The following FMNL3 variants were observed in gnomAD, a reference collection of about 807,000 sequenced individuals.
The protein encoded by FMNL3 is formin like 3, also known as formin-like protein 3.
In FMNL3, 57 loss-of-function variants were observed where a neutral mutation model predicts 119.6. The ratio of observed to expected loss-of-function variants is 0.48; its 90% confidence interval spans 0.39 to 0.59. The LOEUF is 0.59. Among genes scored for constraint, FMNL3 ranks in the 20% least tolerant of loss-of-function variants. The probability of loss-of-function intolerance (pLI) is 0.00; values close to 1 mark genes in which losing one functional copy is unlikely to be tolerated. For missense variants in FMNL3, 1,053 were observed against 1,323.5 expected, an observed-to-expected ratio of 0.80 and a Z score of 3.17; for synonymous variants, 491 against 507.3, an observed-to-expected ratio of 0.97 and a Z score of 0.43.
intron 1 of FMNL3, 141 bp from the exon 2 acceptor site, chr12:49,668,695 G>A (rs756174033): frequency 7.6e-6 from 5 of 660,538 alleles, no homozygotes; most frequent in African/African-American, 1.8e-5. Flanking sequence ...GGCTTGGAAA[G>A]GTAGAACAGT....
chr12:49,653,186 CA>C (rs1345676649), intron 13 of FMNL3, 39 bp downstream of exon 13: 26 of 1,581,904 alleles, frequency 1.6e-5, no homozygotes, highest in Non-Finnish European at 2.3e-5. Flanking sequence ...CGCTGGAGCC[CA>C]GGATCAGTCA....
rs2138721594 is a variant in FMNL3, at chr12:49,649,434, A to G, written c.2304+36T>C. ...CCCCAGGCCCCCACCTAGGACCTGA[A>G]AACCCCCAGCACCCCTGTTCACAAC... On this transcript the variant is annotated intron_variant, in intron 19 of 25. Transcript: ENST00000335154. The surrounding 1 kb of genome is among the most constrained non-coding windows in gnomAD (Gnocchi z 5.6). The G allele has an allele frequency of 6.2e-7, 1 of 1,613,926 alleles. No homozygotes were observed. Among genetic ancestry groups the G allele is most frequent in the Non-Finnish European group, 8.5e-7 (1 of 1,179,994 alleles).
Position 49,643,361 on chromosome 12 carries a change from G to A in FMNL3, c.*2454C>T. 4 of 1,586,206 alleles carry A rather than the reference G, an allele frequency of 2.5e-6. No homozygotes were observed. The African/African-American group carries it at 4.1e-5, about 16-fold the overall frequency. ...TGAAAGTGGGGGTGCTGCCCTTGGA[G>A]GACGGGGCTCCCCTTCCTCCCATCT... On this transcript the variant is annotated 3_prime_UTR_variant, in exon 26 of 26. Transcript: ENST00000335154.
rs1275956032 is a variant in FMNL3, at chr12:49,637,966, A to G, written c.*7849T>C. The stretch of plus-strand genomic sequence containing the variant: ...CTACTGTGATCCTTTACTGCACACT[A>G]GGGATACAGTAATGAATACACAATT... On this transcript the variant is annotated 3_prime_UTR_variant, in exon 26 of 26. Coordinates refer to ENST00000335154, the MANE Select transcript of FMNL3 (RefSeq NM_175736.5). The G allele has an allele frequency of 6.1e-6, 4 of 656,430 alleles. No homozygotes were observed. The highest frequency in any genetic ancestry group is 8.1e-6 in the Non-Finnish European group (3 of 369,480). 40.7% of individuals were successfully genotyped at this position (656,430 alleles called of 1,614,324 possible).
chr12:49,695,923 A>G (rs948606527), intron 1 of FMNL3, among the ~76,000 whole-genome samples: 2 of 152,088 alleles, frequency 1.3e-5, no homozygotes, highest in African/African-American at 4.8e-5. Context: ...CACTACCCAG[A>G]TATTCCCCCA....
intron 21 of FMNL3, 122 bp downstream of exon 21, chr12:49,648,907 G>T: frequency 7.0e-7 from 1 of 1,429,960 alleles, no homozygotes. Context: ...CTTTGAAGTG[G>T]TCAGAAAGAA....
rs1943368767 is a variant in FMNL3 at position 49,650,662 on chromosome 12, A to C, written c.2000+14T>G. Reference sequence around the variant, plus strand: ...ACAGACTAGGGACCAGAGCCAGGTCAGTGGGAGCCTCACGTATGAATGGCC... The same window carrying C: ...ACAGACTAGGGACCAGAGCCAGGTCCGTGGGAGCCTCACGTATGAATGGCC... On this transcript the variant is annotated intron_variant, in intron 17 of 25. Coordinates refer to ENST00000335154, the MANE Select transcript of FMNL3 (RefSeq NM_175736.5). 2 of 1,612,240 alleles carry C rather than the reference A, an allele frequency of 1.2e-6. No individual in the cohort carries two copies.
At position 49,649,738 on chromosome 12, in the gene FMNL3, T is replaced by C; in HGVS notation, c.2188A>G (p.Met730Val). ...VERLTQRMAGMAFLGNFQDNL... is the reference protein window; with the variant it reads ...VERLTQRMAGVAFLGNFQDNL... Reference sequence around the variant, plus strand: ...TCCTGGAAGTTCCCCAGGAAGGCCATGCCAGCCATTCGCTGGGTCAACCGT... The same window carrying C: ...TCCTGGAAGTTCCCCAGGAAGGCCACGCCAGCCATTCGCTGGGTCAACCGT... The change falls in exon 18 of 26, where the codon ATG becomes GTG. Residue 730 changes from methionine (M) to valine (V), a missense_variant. Coordinates refer to ENST00000335154, the MANE Select transcript of FMNL3 (RefSeq NM_175736.5). The surrounding 1 kb of genome is among the most constrained non-coding windows in gnomAD (Gnocchi z 5.6). 1.2e-6 allele frequency: 2 copies of C among 1,614,198 alleles called. No homozygotes were observed. Among genetic ancestry groups the C allele is most frequent in the Non-Finnish European group, 8.5e-7 (1 of 1,180,034 alleles).
intron 4 of FMNL3, among the ~76,000 whole-genome samples, chr12:49,663,191 C>T (rs1943789298): frequency 6.6e-6 from 1 of 152,240 alleles, no homozygotes; most frequent in Non-Finnish European, 1.5e-5. Context: ...TGCTCTCCAG[C>T]TCCCCACCCC....
At position 49,645,751 on chromosome 12, in the gene FMNL3, C is replaced by T; in HGVS notation, c.*64G>A. The T allele has an allele frequency of 1.4e-6, 2 of 1,437,710 alleles. No individual in the cohort carries two copies. The highest frequency in any genetic ancestry group is 2.5e-5 in the South Asian group (2 of 80,786). The allele number at this position is 1,437,710 out of a possible 1,614,324, so 89.1% of individuals were successfully genotyped here. On this transcript the variant is annotated 3_prime_UTR_variant, in exon 26 of 26. Transcript: ENST00000335154. Reference sequence around the variant, plus strand: ...CCCTCTCCTGAGCCCTTGGCCAATTCCAGGTCCACTGGTTGGACTTGTAGG... The same window carrying T: ...CCCTCTCCTGAGCCCTTGGCCAATTTCAGGTCCACTGGTTGGACTTGTAGG...
Position 49,707,283 on chromosome 12 carries a change from A to C in FMNL3, c.-103T>G, listed in dbSNP as rs922577295. 6 of 1,158,510 alleles carry C rather than the reference A, an allele frequency of 5.2e-6. No individual in the cohort carries two copies. In the African/African-American group the frequency reaches 9.8e-5, roughly 19 times the overall value. The allele number at this position is 1,158,510 out of a possible 1,614,324, so 71.8% of individuals were successfully genotyped here. A position where few individuals can be genotyped will look rare whatever the true frequency, so the allele number is the denominator to read the frequency against. ...CTCCTCCCTCAGCGCCGGCTCCCCG[A>C]GTCCCGACTCCTCGGCCCCGTCGAG... On this transcript the variant is annotated 5_prime_UTR_variant, in exon 1 of 26. Coordinates refer to ENST00000335154, the MANE Select transcript of FMNL3 (RefSeq NM_175736.5).
intron 1 of FMNL3, among the ~76,000 whole-genome samples, chr12:49,684,051 A>G (rs1944399852): frequency 6.6e-6 from 1 of 152,122 alleles, no homozygotes; most frequent in Non-Finnish European, 1.5e-5. Context: ...ACAGAACTGC[A>G]CTTAGACAGC....
chr12:49,697,513 A>C (rs1020642306), intron 1 of FMNL3, among the ~76,000 whole-genome samples: 3 of 152,208 alleles, frequency 2.0e-5, no homozygotes, highest in Non-Finnish European at 4.4e-5. Context: ...ACCCAAACAC[A>C]GAGGGATGTT....
At chr12:49,688,622 T>C (rs1346344605) in intron 1 of FMNL3, 3 of 424,442 alleles carry the variant, frequency 7.1e-6, no homozygotes, top group Non-Finnish European at 1.4e-5. Context: ...TTGTGGTAAG[T>C]GGGTCTGCAA....
intron 1 of FMNL3, among the ~76,000 whole-genome samples, chr12:49,692,821 GCTAA>G (rs1283964301): frequency 3.3e-5 from 5 of 152,220 alleles, no homozygotes; most frequent in South Asian, 2.1e-4. Flanking sequence ...TGAATAGGAT[GCTAA>G]CTAAGAAAAA....
In FMNL3 at chr12:49,707,191, C is replaced by A. The variant is rs1945074338; in HGVS notation, c.-11G>T. 2.0e-6 allele frequency: 3 copies of A among 1,534,266 alleles called. No homozygotes were observed. The highest frequency in any genetic ancestry group is 2.8e-5 in the African/African-American group (2 of 70,972). On this transcript the variant is annotated 5_prime_UTR_variant, in exon 1 of 26. Transcript: ENST00000335154. ...CTCCAGGTTGCCCATCGCGGCGGGG[C>A]CCCCTCAGGGGCCTCGGCCCCCCAC...
In FMNL3 at chr12:49,637,960, C is replaced by G. The variant is rs1321359026; in HGVS notation, c.*7855G>C. The G allele has an allele frequency of 1.3e-5, 9 of 673,310 alleles. No individual in the cohort carries two copies. Among genetic ancestry groups the G allele is most frequent in the Non-Finnish European group, 2.4e-5 (9 of 380,552 alleles). 41.7% of individuals were successfully genotyped at this position (673,310 alleles called of 1,614,324 possible). On this transcript the variant is annotated 3_prime_UTR_variant, in exon 26 of 26. Coordinates refer to ENST00000335154, the MANE Select transcript of FMNL3 (RefSeq NM_175736.5). Reference sequence around the variant, plus strand: ...AGATATCTACTGTGATCCTTTACTGCACACTAGGGATACAGTAATGAATAC... The same window carrying G: ...AGATATCTACTGTGATCCTTTACTGGACACTAGGGATACAGTAATGAATAC...
chr12:49,683,056 T>C (rs1944376042), intron 1 of FMNL3, among the ~76,000 whole-genome samples: 1 of 152,214 alleles, frequency 6.6e-6, no homozygotes, highest in African/African-American at 2.4e-5. Flanking sequence ...GGTCCACTTC[T>C]GCCACAAATC....
chr12:49,690,781 T>C lies in FMNL3; in HGVS notation c.126+16274A>G, dbSNP rs547659971. On this transcript the variant is annotated intron_variant, in intron 1 of 25. Transcript: ENST00000335154. Reference sequence around the variant, plus strand: ...AGAGTCAACCCCGCAAAAAGGAAACTATAGTTAAGAAAGTGGAGCTGGGCG... The same window carrying C: ...AGAGTCAACCCCGCAAAAAGGAAACCATAGTTAAGAAAGTGGAGCTGGGCG... Among the ~76,000 whole-genome samples, 10 of 152,286 alleles carry C rather than the reference T, an allele frequency of 6.6e-5. No individual in the cohort carries two copies. In the South Asian group the frequency reaches 1.2e-3, roughly 19 times the overall value.
Sources: allele counts gnomAD v4.1 joint callset (sites outside exome capture counted in the v4.1 genomes callset), GRCh38; gene constraint gnomAD v4.1.1; non-coding constraint Gnocchi (gnomAD v3.1); transcripts MANE v1.5; gene names NCBI Gene and HGNC (gene_info 2026-07-23, HGNC 2026-07-21).